The following FMN1 variants were observed in gnomAD, a reference collection of about 807,000 sequenced individuals.
FMN1 encodes the protein formin-1.
A neutral mutation model predicts 132.4 loss-of-function variants in FMN1; 110 were observed. That is an observed-to-expected ratio of 0.83 (90% CI 0.71 to 0.97). The LOEUF is 0.97. Among genes scored for constraint, FMN1 ranks in the 50% least tolerant of loss-of-function variants. The pLI, the probability that FMN1 is intolerant of heterozygous loss-of-function variation, is 0.00. For missense variants in FMN1, 1,792 were observed against 1,705.3 expected (o/e 1.05, Z -0.90); for synonymous variants, 722 against 651.7 (o/e 1.11, Z -1.64).
intron 9 of FMN1, among the ~76,000 whole-genome samples, chr15:32,942,307 G>A (rs1382829993): frequency 2.0e-5 from 3 of 152,188 alleles, no homozygotes; most frequent in South Asian, 2.1e-4. Context: ...TGGGAAGACA[G>A]ATTTGCTACA....
At chr15:32,809,272 T>G (rs13329443) in intron 17 of FMN1, among the ~76,000 whole-genome samples, 21,660 of 152,132 alleles carry the variant, frequency 0.14, 1,895 homozygotes, top group African/African-American at 0.24. Flanking sequence ...AGAGCTAAGA[T>G]TCCTTCCTTA....
intron 5 of FMN1, among the ~76,000 whole-genome samples, chr15:33,085,039 A>G (rs1008787293): frequency 1.3e-5 from 2 of 152,204 alleles, no homozygotes; most frequent in African/African-American, 4.8e-5. Context: ...TAGAGTCCAA[A>G]GCCCACCAGA....
chr15:32,820,285 G>T (rs1057273748), intron 17 of FMN1, among the ~76,000 whole-genome samples: 2 of 152,054 alleles, frequency 1.3e-5, no homozygotes, highest in African/African-American at 4.8e-5. Flanking sequence ...CATAAAAAGC[G>T]GGCTCAACCT....
rs764544658 is a variant in FMN1, at chr15:33,067,113, T to C, written c.2044-2039A>G. On this transcript the variant is annotated intron_variant, in intron 5 of 20. Coordinates refer to ENST00000616417, the MANE Select transcript of FMN1 (RefSeq NM_001277313.2). Reference sequence around the variant, plus strand: ...GAGACTTCTTTTTTAGAAGAGGCACTCTCAGTGATACCAACACTCGAATTC... The same window carrying C: ...GAGACTTCTTTTTTAGAAGAGGCACCCTCAGTGATACCAACACTCGAATTC... 3.6e-5 allele frequency: 58 copies of C among 1,613,872 alleles called. No homozygotes were observed. In the South Asian group the frequency reaches 5.1e-4, roughly 14 times the overall value.
intron 16 of FMN1, among the ~76,000 whole-genome samples, chr15:32,868,338 C>T (rs980552067): frequency 2.0e-5 from 3 of 152,096 alleles, no homozygotes; most frequent in South Asian, 2.1e-4. Flanking sequence ...CTGTAATATA[C>T]TGTTAACTAT....
At chr15:32,921,882 AGGT>A (rs1179484340) in intron 10 of FMN1, among the ~76,000 whole-genome samples, 1 of 152,004 alleles carries the variant, frequency 6.6e-6, no homozygotes, top group Non-Finnish European at 1.5e-5. Context: ...CATGTTGGCC[AGGT>A]TGGTCTCGAA....
chr15:32,821,293 A>G (rs2058210288), intron 17 of FMN1, among the ~76,000 whole-genome samples: 2 of 151,732 alleles, frequency 1.3e-5, no homozygotes. Context: ...TAATCCTCAT[A>G]TTTATTTTGT....
chr15:33,094,550 G>C (rs1462526390), intron 4 of FMN1, among the ~76,000 whole-genome samples: 2 of 152,168 alleles, frequency 1.3e-5, no homozygotes, highest in African/African-American at 2.4e-5. Flanking sequence ...ACAGCTCCAA[G>C]TAAGTGGCTG....
intron 6 of FMN1, among the ~76,000 whole-genome samples, chr15:33,034,599 T>TC (rs995427481): frequency 6.6e-6 from 1 of 152,000 alleles, no homozygotes; most frequent in Non-Finnish European, 1.5e-5. Flanking sequence ...ACCCCTGATG[T>TC]CATCCCTTAC....
At chr15:32,855,353 T>C (rs1320413296) in intron 17 of FMN1, among the ~76,000 whole-genome samples, 1 of 151,934 alleles carries the variant, frequency 6.6e-6, no homozygotes, top group Non-Finnish European at 1.5e-5. Context: ...CCTATGGCCA[T>C]ACCTTTACTT....
At chr15:32,970,172 G>A (rs1596369573) in intron 7 of FMN1, among the ~76,000 whole-genome samples, 1 of 152,136 alleles carries the variant, frequency 6.6e-6, no homozygotes. Flanking sequence ...CCTTTTTAAT[G>A]CTTATTGCCT....
intron 2 of FMN1, among the ~76,000 whole-genome samples, chr15:33,181,246 C>T (rs188407045): frequency 4.8e-3 from 730 of 152,268 alleles, no homozygotes; most frequent in Non-Finnish European, 6.4e-3. Flanking sequence ...ATATGATACC[C>T]ATCTCTCTTT....
intron 17 of FMN1, among the ~76,000 whole-genome samples, chr15:32,816,328 G>C (rs770861080): frequency 1.2e-4 from 18 of 152,182 alleles, no homozygotes; most frequent in Non-Finnish European, 2.2e-4. Context: ...GTGGCATGAT[G>C]TGCCTAAAGT....
intron 9 of FMN1, among the ~76,000 whole-genome samples, chr15:32,953,126 T>A (rs2061690154): frequency 6.6e-6 from 1 of 152,180 alleles, no homozygotes; most frequent in South Asian, 2.1e-4. Flanking sequence ...ATCCCTTTTG[T>A]CATTCACTCC....
intron 8 of FMN1, among the ~76,000 whole-genome samples, chr15:32,966,350 A>G (rs1210117456): frequency 6.6e-6 from 1 of 152,106 alleles, no homozygotes; most frequent in East Asian, 1.9e-4. Context: ...GAATTTTGGA[A>G]CACTGCCTCT....
At chr15:32,951,519 A>G (rs1295547847) in intron 9 of FMN1, among the ~76,000 whole-genome samples, 1 of 152,176 alleles carries the variant, frequency 6.6e-6, no homozygotes, top group Non-Finnish European at 1.5e-5. Flanking sequence ...TCCAGGAACC[A>G]TAAGTGAATG....
At chr15:33,045,792 T>C (rs907824063) in intron 6 of FMN1, among the ~76,000 whole-genome samples, 5 of 152,186 alleles carry the variant, frequency 3.3e-5, no homozygotes, top group African/African-American at 1.2e-4. Flanking sequence ...GTTCTAACCC[T>C]TTGTTTCATT....
intron 6 of FMN1, among the ~76,000 whole-genome samples, chr15:33,057,999 G>A (rs1288056370): frequency 6.6e-6 from 1 of 151,732 alleles, no homozygotes; most frequent in Non-Finnish European, 1.5e-5. Context: ...GGCTGGTGGT[G>A]GAAAGGCGTG....
At chr15:33,130,607 A>C (rs560495754) in intron 4 of FMN1, among the ~76,000 whole-genome samples, 1 of 152,320 alleles carries the variant, frequency 6.6e-6, no homozygotes, top group African/African-American at 2.4e-5. Flanking sequence ...TAATAGGTAT[A>C]TGCATTTTCA....
Sources: gnomAD v4.1 joint callset for allele counts (sites outside exome capture counted in the v4.1 genomes callset) on GRCh38, gnomAD v4.1.1 for gene constraint, MANE v1.5 for transcripts, NCBI Gene and HGNC (gene_info 2026-07-23, HGNC 2026-07-21) for gene names.